SERHL2: variants seen among roughly 807,000 people sequenced by gnomAD.
The protein encoded by SERHL2 is serine hydrolase-like protein 2.
SERHL2 carries 29 observed loss-of-function variants against 25.5 expected under a neutral mutation model. The ratio of observed to expected loss-of-function variants is 1.14; its 90% confidence interval spans 0.85 to 1.55. The LOEUF (loss-of-function observed/expected upper bound fraction) is 1.55. Among genes scored for constraint, SERHL2 ranks in the 40% most tolerant of loss-of-function variants. The pLI, the probability that SERHL2 is intolerant of heterozygous loss-of-function variation, is 0.00. For missense variants in SERHL2, 240 were observed against 252.3 expected (o/e 0.95, Z 0.33); for synonymous variants, 95 against 103.5 (o/e 0.92, Z 0.50).
At position 42,571,135 on chromosome 22, in the gene SERHL2, T is replaced by C; in HGVS notation, c.663T>C (p.Ile221=). Reference sequence around the variant, plus strand: ...TGTCTCTGCAGGCAGAGAACAGCATTGACTTCATCAGCAGGGAGCTGTGTG... The same window carrying C: ...TGTCTCTGCAGGCAGAGAACAGCATCGACTTCATCAGCAGGGAGCTGTGTG... ...DQRLAWAENS[I]DFISRELCAH... is the part of the protein sequence containing the mutation. Residue 221 remains isoleucine (I), a synonymous_variant, in exon 10 of 12, where the codon ATT becomes ATC. Transcript: ENST00000327678. The C allele has an allele frequency of 6.2e-7, 1 of 1,613,426 alleles. No homozygotes were observed. Among genetic ancestry groups the C allele is most frequent in the Non-Finnish European group, 8.5e-7 (1 of 1,179,640 alleles).
At chr22:42,563,552 T>A (rs554849059) in intron 8 of SERHL2, 1 of 272,366 alleles carries the variant, frequency 3.7e-6, no homozygotes, top group African/African-American at 2.3e-5. Flanking sequence ...TGAAGCCCCG[T>A]GCTGTGGGGG....
intron 8 of SERHL2, among the ~76,000 whole-genome samples, chr22:42,565,483 G>A (rs1282067321): frequency 1.3e-5 from 2 of 151,722 alleles, no homozygotes; most frequent in Non-Finnish European, 1.5e-5. Context: ...CTGCCACTAC[G>A]CCCAGCTAAT....
At chr22:42,564,620 T>C (rs1201900810) in intron 8 of SERHL2, among the ~76,000 whole-genome samples, 1 of 151,512 alleles carries the variant, frequency 6.6e-6, no homozygotes, top group Non-Finnish European at 1.5e-5. Flanking sequence ...TTAGTAGAGA[T>C]GGGGTTCACC....
At chr22:42,568,945 G>C (rs1923776532) in intron 9 of SERHL2, among the ~76,000 whole-genome samples, 2 of 151,430 alleles carry the variant, frequency 1.3e-5, no homozygotes, top group South Asian at 4.1e-4. Context: ...GCAGTGGTGG[G>C]ATCTCAGCTC....
intron 8 of SERHL2, among the ~76,000 whole-genome samples, chr22:42,562,419 G>A (rs1470639062): frequency 6.6e-6 from 1 of 151,832 alleles, no homozygotes; most frequent in Non-Finnish European, 1.5e-5. Flanking sequence ...GGTTCCTTCT[G>A]AGGGCTGTGA....
intron 9 of SERHL2, among the ~76,000 whole-genome samples, chr22:42,568,648 CTTTTATT>C (rs1459379362): frequency 2.6e-5 from 4 of 151,854 alleles, no homozygotes; most frequent in Non-Finnish European, 5.9e-5. Context: ...CCAAAATTCT[CTTTTATT>C]TTTTAAGTTT....
intron 6 of SERHL2, 90 bp downstream of exon 6, chr22:42,556,678 G>C: frequency 8.8e-7 from 1 of 1,132,188 alleles, no homozygotes; most frequent in Non-Finnish European, 1.3e-6. Context: ...GTGGACACTA[G>C]GGAAGCACGA....
intron 9 of SERHL2, among the ~76,000 whole-genome samples, chr22:42,568,182 C>A (rs1923667945): frequency 7.3e-6 from 1 of 136,588 alleles, no homozygotes; most frequent in Admixed American, 7.7e-5. Context: ...CGCTACCACA[C>A]CCAGCTAAAT....
At chr22:42,571,520 G>A (rs570453240) in intron 10 of SERHL2, 153 of 1,089,190 alleles carry the variant, frequency 1.4e-4, no homozygotes, top group Non-Finnish European at 1.6e-4. Context: ...CTGTCTCCTG[G>A]ATTCAAACGA....
chr22:42,572,727 A>G, intron 11 of SERHL2, 198 bp downstream of exon 11: 1 of 984,730 alleles, frequency 1.0e-6, no homozygotes, highest in South Asian at 4.7e-5. Context: ...AGAATTAAGG[A>G]AACAGAGACC....
chr22:42,571,420 C>T (rs1429730422), intron 10 of SERHL2: 1 of 1,391,986 alleles, frequency 7.2e-7, no homozygotes, highest in Non-Finnish European at 9.3e-7. Context: ...TGGGCCGGGG[C>T]TGTCCCATGC....
At chr22:42,571,841 GT>G (rs1924243938) in intron 10 of SERHL2, 1 of 152,244 alleles carries the variant, frequency 6.6e-6, no homozygotes, top group Admixed American at 6.5e-5. Flanking sequence ...TCTACGTGTT[GT>G]ATGGCTGCAT....
chr22:42,562,810 C>T (rs901758086), intron 8 of SERHL2, among the ~76,000 whole-genome samples: 15 of 151,946 alleles, frequency 9.9e-5, no homozygotes, highest in African/African-American at 3.4e-4. Flanking sequence ...ACAATACTGG[C>T]TTTCTGGAAA....
intron 7 of SERHL2, 125 bp from the exon 8 acceptor site, chr22:42,560,061 C>G: frequency 1.4e-6 from 1 of 711,442 alleles, no homozygotes; most frequent in Admixed American, 2.1e-5. Context: ...ATCCGCCCAT[C>G]TTGTCCTCCC....
At chr22:42,566,573 A>T (rs1347977498) in intron 9 of SERHL2, among the ~76,000 whole-genome samples, 4 of 149,646 alleles carry the variant, frequency 2.7e-5, no homozygotes, top group Non-Finnish European at 6.0e-5. Context: ...AAAAAACAAA[A>T]GAAATTATAT....
chr22:42,564,757 G>A (rs917279810), intron 8 of SERHL2, among the ~76,000 whole-genome samples: 4 of 151,886 alleles, frequency 2.6e-5, no homozygotes, highest in Non-Finnish European at 4.4e-5. Context: ...TGACGGGACC[G>A]TCTCCCTTCA....
intron 9 of SERHL2, among the ~76,000 whole-genome samples, chr22:42,567,683 AAT>A (rs1251582129): frequency 6.6e-6 from 1 of 151,332 alleles, no homozygotes; most frequent in African/African-American, 2.4e-5. Flanking sequence ...AAAAAAAATA[AAT>A]AAATAAAAAA....
At chr22:42,560,395 G>A in intron 8 of SERHL2, 130 bp downstream of exon 8, 4 of 689,596 alleles carry the variant, frequency 5.8e-6, no homozygotes, top group Non-Finnish European at 1.0e-5. Flanking sequence ...TCCCCCTCCT[G>A]CCTCACCCTC....
intron 8 of SERHL2, 114 bp from the exon 9 acceptor site, chr22:42,566,190 T>G: frequency 2.0e-6 from 2 of 1,016,520 alleles, no homozygotes. Context: ...CGGGGGCAGG[T>G]GGGAGAAATG....
Sources: allele counts gnomAD v4.1 joint callset (sites outside exome capture counted in the v4.1 genomes callset), GRCh38; gene constraint gnomAD v4.1.1; transcripts MANE v1.5; gene names NCBI Gene and HGNC (gene_info 2026-07-23, HGNC 2026-07-21).